The following DNAH14 variants were observed in gnomAD, a reference collection of about 807,000 sequenced individuals.
The protein encoded by DNAH14 is dynein axonemal heavy chain 14.
In DNAH14, 478 loss-of-function variants were observed where a neutral mutation model predicts 520.9. The ratio of observed to expected loss-of-function variants is 0.92; its 90% CI spans 0.85 to 0.99. The LOEUF (loss-of-function observed/expected upper bound fraction) is 0.99. Ranked by LOEUF, DNAH14 falls within the 50% of genes least tolerant of loss-of-function variation. DNAH14 has a pLI of 0.00. For synonymous variants in DNAH14, 1,581 were observed against 1,757.2 expected (o/e 0.90, Z 2.51); for missense variants, 4,831 against 5,234.5 (o/e 0.92, Z 2.38).
intron 58 of DNAH14, among the ~76,000 whole-genome samples, chr1:225,305,651 A>G (rs2094224345): frequency 6.6e-6 from 1 of 152,168 alleles, no homozygotes; most frequent in Non-Finnish European, 1.5e-5. Context: ...CCACATTTTC[A>G]TGTTCTAGAA....
intron 17 of DNAH14, among the ~76,000 whole-genome samples, chr1:225,070,806 T>A (rs1222360653): frequency 6.6e-6 from 1 of 152,192 alleles, no homozygotes; most frequent in Non-Finnish European, 1.5e-5. Context: ...GGTGTTAAAG[T>A]TTCCCACTAT....
chr1:225,174,611 A>G (rs1423603942), intron 36 of DNAH14, among the ~76,000 whole-genome samples: 2 of 152,178 alleles, frequency 1.3e-5, no homozygotes. Context: ...TGATCATGTC[A>G]TCTGCAAACA....
chr1:225,129,976 AAAAC>A (rs1250758975), intron 27 of DNAH14, among the ~76,000 whole-genome samples: 6 of 152,226 alleles, frequency 3.9e-5, no homozygotes, highest in Non-Finnish European at 7.3e-5. Context: ...TTACAAGAAA[AAAAC>A]AAACAACCCC....
chr1:225,399,048 TTA>T lies in DNAH14; in HGVS notation c.13639-5_13639-4del, dbSNP rs1491073953. On this transcript the variant is annotated splice_polypyrimidine_tract_variant and splice_region_variant and intron_variant, in intron 85 of 85. Transcript: ENST00000682510. ...TTTGACTACTGGATTTTTTTTTTTT[TTA>T]AAGATTTCTACCAAAACACCAAATG... is the stretch of plus-strand genomic sequence containing the variant. 3 of 1,534,670 alleles carry T rather than the reference TTA, an allele frequency of 2.0e-6. No individual in the cohort carries two copies. Among genetic ancestry groups the T allele is most frequent in the South Asian group, 1.2e-5 (1 of 80,908 alleles).
intron 76 of DNAH14, among the ~76,000 whole-genome samples, chr1:225,365,836 C>T (rs1194827305): frequency 6.6e-6 from 1 of 152,152 alleles, no homozygotes; most frequent in Non-Finnish European, 1.5e-5. Flanking sequence ...AGAAATAGCG[C>T]TTCAGGGAAT....
intron 77 of DNAH14, among the ~76,000 whole-genome samples, chr1:225,372,506 A>G (rs1053871799): frequency 3.3e-5 from 5 of 152,356 alleles, no homozygotes; most frequent in African/African-American, 9.6e-5. Context: ...TGATACTGGC[A>G]CAACTGGCCA....
chr1:225,199,606 A>G (rs1412280378), intron 38 of DNAH14, among the ~76,000 whole-genome samples: 1 of 152,182 alleles, frequency 6.6e-6, no homozygotes, highest in Non-Finnish European at 1.5e-5. Context: ...GTTATCATTC[A>G]GGAGCAGGTT....
chr1:225,038,581 CT>C, intron 11 of DNAH14, 112 bp from the exon 12 acceptor site: 1 of 1,068,434 alleles, frequency 9.4e-7, no homozygotes. Context: ...TAGTCAGGTC[CT>C]TTGCCTGTTT....
intron 11 of DNAH14, among the ~76,000 whole-genome samples, chr1:225,036,791 C>T (rs1330180931): frequency 6.6e-6 from 1 of 152,094 alleles, no homozygotes; most frequent in East Asian, 1.9e-4. Flanking sequence ...AGAATGATTT[C>T]CTTGAAATGC....
intron 17 of DNAH14, among the ~76,000 whole-genome samples, chr1:225,059,796 G>C (rs11487466): frequency 1.3e-5 from 2 of 152,098 alleles, no homozygotes; most frequent in African/African-American, 4.8e-5. Context: ...AGCTTAGTTT[G>C]GCTGGATATG....
chr1:225,250,831 G>A (rs567132658), intron 43 of DNAH14: 4 of 426,978 alleles, frequency 9.4e-6, no homozygotes, highest in Middle Eastern at 3.3e-4. Context: ...TGGCTATCTG[G>A]TACCTGGCTT....
At chr1:225,175,387 G>A (rs112676948) in intron 36 of DNAH14, among the ~76,000 whole-genome samples, 5 of 152,062 alleles carry the variant, frequency 3.3e-5, no homozygotes, top group African/African-American at 1.2e-4. Flanking sequence ...TATGTGTCCA[G>A]CAATATATCA....
chr1:225,094,017 G>T (rs563721756), intron 21 of DNAH14, among the ~76,000 whole-genome samples: 1 of 152,250 alleles, frequency 6.6e-6, no homozygotes, highest in South Asian at 2.1e-4. Flanking sequence ...CATGCTCATG[G>T]ATAGGAAGAA....
chr1:225,253,555 G>C (rs910703115), intron 44 of DNAH14, among the ~76,000 whole-genome samples: 1 of 151,852 alleles, frequency 6.6e-6, no homozygotes, highest in Admixed American at 6.6e-5. Context: ...TGCTTCAAAA[G>C]TCTCCTTTTA....
chr1:225,258,283 T>C (rs2092812185), intron 45 of DNAH14, among the ~76,000 whole-genome samples, 165 bp downstream of exon 45: 1 of 152,228 alleles, frequency 6.6e-6, no homozygotes. Context: ...CACCCATTTT[T>C]CCACATATTT....
At chr1:224,956,854 T>G (rs1395328055) in intron 3 of DNAH14, among the ~76,000 whole-genome samples, 1 of 152,094 alleles carries the variant, frequency 6.6e-6, no homozygotes, top group Non-Finnish European at 1.5e-5. Flanking sequence ...TGGACAAAGC[T>G]TCCCCTCCAA....
At chr1:225,188,996 ACC>A (rs2085080804) in intron 37 of DNAH14, among the ~76,000 whole-genome samples, 1 of 151,828 alleles carries the variant, frequency 6.6e-6, no homozygotes, top group African/African-American at 2.4e-5. Flanking sequence ...TTTGATAAAT[ACC>A]CCTTATCATG....
chr1:225,270,399 C>G (rs2093281570), intron 49 of DNAH14, among the ~76,000 whole-genome samples: 1 of 151,810 alleles, frequency 6.6e-6, no homozygotes, highest in Non-Finnish European at 1.5e-5. Context: ...TGCAGCACAC[C>G]AACATGGCAT....
chr1:225,215,770 A>G (rs1310631805), intron 41 of DNAH14, among the ~76,000 whole-genome samples: 2 of 151,844 alleles, frequency 1.3e-5, no homozygotes, highest in Non-Finnish European at 2.9e-5. Context: ...CCATCCCTTT[A>G]TTTTGAGCCT....
Sources: allele counts gnomAD v4.1 joint callset (sites outside exome capture counted in the v4.1 genomes callset), GRCh38; gene constraint gnomAD v4.1.1; transcripts MANE v1.5; gene names NCBI Gene and HGNC (gene_info 2026-07-23, HGNC 2026-07-21).